MAML2: variants seen among roughly 807,000 people sequenced by gnomAD.
The protein encoded by MAML2 is mastermind like transcriptional coactivator 2.
A neutral mutation model predicts 96.1 loss-of-function variants in MAML2; 22 were observed. The ratio of observed to expected loss-of-function variants is 0.23; its 90% CI spans 0.16 to 0.33. The LOEUF (loss-of-function observed/expected upper bound fraction) is 0.33. Ranked by LOEUF, MAML2 falls within the 10% of genes least tolerant of loss-of-function variation. MAML2 has a pLI of 1.00. For missense variants in MAML2, 1,367 were observed against 1,392.4 expected (o/e 0.98, Z 0.29); for synonymous variants, 561 against 521.3 (o/e 1.08, Z -1.04).
intron 1 of MAML2, among the ~76,000 whole-genome samples, chr11:96,325,891 G>A (rs1051747625): frequency 2.6e-5 from 4 of 152,124 alleles, no homozygotes; most frequent in African/African-American, 4.8e-5. Context: ...GAGCAGCCAC[G>A]GGCACAGAAA....
chr11:96,036,722 G>A (rs914778889), intron 2 of MAML2, among the ~76,000 whole-genome samples: 2 of 151,944 alleles, frequency 1.3e-5, no homozygotes, highest in Non-Finnish European at 2.9e-5. Context: ...AAATAACTCC[G>A]GGGCTGAGAT....
intron 2 of MAML2, among the ~76,000 whole-genome samples, chr11:96,033,150 T>C (rs528379803): frequency 2.6e-5 from 4 of 152,368 alleles, no homozygotes; most frequent in African/African-American, 9.6e-5. Flanking sequence ...TGGCATGGAA[T>C]GTGCTAGTGT....
chr11:96,032,707 C>G (rs1314541969), intron 2 of MAML2, among the ~76,000 whole-genome samples: 2 of 151,900 alleles, frequency 1.3e-5, no homozygotes, highest in Non-Finnish European at 2.9e-5. Flanking sequence ...GATGCTACTT[C>G]GCACTAAAAA....
intron 2 of MAML2, among the ~76,000 whole-genome samples, chr11:96,057,620 A>C (rs1859090215): frequency 6.6e-6 from 1 of 152,230 alleles, no homozygotes; most frequent in South Asian, 2.1e-4. Flanking sequence ...AAAAAGATTC[A>C]CATTATTACG....
At chr11:96,034,432 T>TGTGTGTGTGAGAGAGAGAGA (rs549312275) in intron 2 of MAML2, among the ~76,000 whole-genome samples, 126 of 135,720 alleles carry the variant, frequency 9.3e-4, no homozygotes, top group African/African-American at 2.5e-3. Context: ...TGTGTGTGTG[T>TGTGTGTGTGAGAGAGAGAGA]GAGAGAGAGA....
chr11:96,161,837 A>C (rs550564577), intron 1 of MAML2, among the ~76,000 whole-genome samples: 1 of 152,154 alleles, frequency 6.6e-6, no homozygotes. Context: ...GAACTGGACG[A>C]TGAGTTTTGG....
At chr11:96,152,356 T>A (rs1591042109) in intron 1 of MAML2, among the ~76,000 whole-genome samples, 1 of 152,230 alleles carries the variant, frequency 6.6e-6, no homozygotes, top group Non-Finnish European at 1.5e-5. Context: ...AAACAACTTA[T>A]TCCCAACTAC....
At chr11:96,270,361 G>A (rs1375447108) in intron 1 of MAML2, among the ~76,000 whole-genome samples, 1 of 152,182 alleles carries the variant, frequency 6.6e-6, no homozygotes, top group African/African-American at 2.4e-5. Context: ...CCAGGCTGGA[G>A]TGTAGTGGTG....
intron 2 of MAML2, among the ~76,000 whole-genome samples, chr11:96,035,292 A>G (rs977812560): frequency 2.6e-5 from 4 of 152,234 alleles, no homozygotes; most frequent in Admixed American, 6.5e-5. Context: ...GAAGCCAACC[A>G]TAAGTAATTC....
chr11:96,082,536 G>C (rs940350146), intron 2 of MAML2, among the ~76,000 whole-genome samples: 3 of 152,182 alleles, frequency 2.0e-5, no homozygotes, highest in African/African-American at 4.8e-5. Flanking sequence ...GACAGTGGTA[G>C]GGCAAAAGGC....
chr11:96,215,553 C>T (rs1354479589), intron 1 of MAML2, among the ~76,000 whole-genome samples: 4 of 152,102 alleles, frequency 2.6e-5, no homozygotes, highest in South Asian at 2.1e-4. Context: ...TGAGGAAATC[C>T]GAGGCAGGAA....
intron 1 of MAML2, among the ~76,000 whole-genome samples, chr11:96,145,762 C>A (rs763058878): frequency 6.6e-6 from 1 of 152,180 alleles, no homozygotes; most frequent in Non-Finnish European, 1.5e-5. Context: ...AATCCCAGTA[C>A]TTTGGGAGGC....
chr11:96,019,781 A>G (rs1490368254), intron 2 of MAML2, among the ~76,000 whole-genome samples: 2 of 151,816 alleles, frequency 1.3e-5, no homozygotes, highest in Non-Finnish European at 2.9e-5. Context: ...TACTGGAAAC[A>G]GTCTAGCTGG....
At position 96,052,798 on chromosome 11, in the gene MAML2, A is replaced by T. The variant is rs181193977; in HGVS notation, c.2139+39094T>A. ...GCTCAAGTCTCTCTGAAGATTCAGT[A>T]CCTAGTCTAGGTTTCTTTTGCTGGG... On this transcript the variant is annotated intron_variant, in intron 2 of 4. Transcript: ENST00000524717. 1.5e-3 allele frequency among the ~76,000 whole-genome samples: 223 copies of T among 152,316 alleles called. 1 individual carries two copies. Among genetic ancestry groups the T allele is most frequent in the Middle Eastern group, 3.4e-3 (1 of 294 alleles).
intron 1 of MAML2, among the ~76,000 whole-genome samples, chr11:96,148,380 A>T (rs1044187213): frequency 1.6e-4 from 25 of 151,892 alleles, no homozygotes; most frequent in Non-Finnish European, 2.1e-4. Flanking sequence ...TATGAATTTG[A>T]GGGCAAAATG....
chr11:96,196,269 C>T (rs1286081517), intron 1 of MAML2, among the ~76,000 whole-genome samples: 4 of 151,950 alleles, frequency 2.6e-5, no homozygotes, highest in Admixed American at 6.6e-5. Context: ...ATAAATAGTT[C>T]ATCCCAGTTG....
At chr11:96,130,811 T>A (rs1378244083) in intron 1 of MAML2, among the ~76,000 whole-genome samples, 1 of 152,092 alleles carries the variant, frequency 6.6e-6, no homozygotes. Context: ...TTTCTTTTCT[T>A]TAAAAAATGG....
intron 4 of MAML2, among the ~76,000 whole-genome samples, chr11:95,983,288 A>T (rs542718318): frequency 3.3e-5 from 5 of 152,318 alleles, no homozygotes; most frequent in African/African-American, 9.6e-5. Context: ...AAAAATTTTT[A>T]AAAAATTTTA....
At chr11:96,157,514 C>T (rs1235556552) in intron 1 of MAML2, among the ~76,000 whole-genome samples, 2 of 152,214 alleles carry the variant, frequency 1.3e-5, no homozygotes, top group Non-Finnish European at 2.9e-5. Context: ...GTTACCTCTC[C>T]CCACCACCAT....
Sources: gnomAD v4.1 joint callset for allele counts (sites outside exome capture counted in the v4.1 genomes callset) on GRCh38, gnomAD v4.1.1 for gene constraint, MANE v1.5 for transcripts, NCBI Gene and HGNC (gene_info 2026-07-23, HGNC 2026-07-21) for gene names.